CSGALNACT1: variants seen among roughly 807,000 people sequenced by gnomAD.
CSGALNACT1 encodes the protein beta4GalNAcT-1.
CSGALNACT1 carries 52 observed loss-of-function variants against 51.0 expected under a neutral mutation model. That is an observed-to-expected ratio of 1.02 (90% confidence interval 0.82 to 1.29). The LOEUF (loss-of-function observed/expected upper bound fraction) is 1.29. Ranked by LOEUF, CSGALNACT1 falls within the 50% of genes most tolerant of loss-of-function variation. The pLI, the probability that CSGALNACT1 is intolerant of heterozygous loss-of-function variation, is 0.00. For missense variants in CSGALNACT1, 935 were observed against 679.2 expected, an observed-to-expected ratio of 1.38 and a Z score of -4.19; for synonymous variants, 341 against 254.4, an observed-to-expected ratio of 1.34 and a Z score of -3.24.
chr8:19,453,614 A>C (rs1283189100), intron 5 of CSGALNACT1, among the ~76,000 whole-genome samples: 1 of 152,212 alleles, frequency 6.6e-6, no homozygotes, highest in Non-Finnish European at 1.5e-5. Context: ...AAATCAGTTA[A>C]AGAACAACAG....
intron 1 of CSGALNACT1, among the ~76,000 whole-genome samples, chr8:19,693,097 T>C (rs578244120): frequency 6.6e-6 from 1 of 152,302 alleles, no homozygotes; most frequent in East Asian, 1.9e-4. Context: ...ATTTGCTCTT[T>C]GACTCATTCC....
intron 1 of CSGALNACT1, among the ~76,000 whole-genome samples, chr8:19,720,737 C>T (rs1290619831): frequency 1.3e-5 from 2 of 152,176 alleles, no homozygotes; most frequent in Non-Finnish European, 2.9e-5. Context: ...AAAAGCTTTC[C>T]TCCATCGCTC....
intron 1 of CSGALNACT1, among the ~76,000 whole-genome samples, chr8:19,699,922 C>T (rs1354422130): frequency 6.6e-6 from 1 of 151,984 alleles, no homozygotes; most frequent in Non-Finnish European, 1.5e-5. Context: ...ACCAGCCTGG[C>T]CAACATGATG....
At chr8:19,439,763 A>T in intron 6 of CSGALNACT1, 67 bp downstream of exon 5, 3 of 1,191,936 alleles carry the variant, frequency 2.5e-6, no homozygotes, top group Non-Finnish European at 3.8e-6. Context: ...CAGAAGTTTC[A>T]GCCTTGGATG....
intron 3 of CSGALNACT1, among the ~76,000 whole-genome samples, chr8:19,527,240 A>T (rs1025921770): frequency 2.0e-5 from 3 of 152,230 alleles, no homozygotes; most frequent in Non-Finnish European, 4.4e-5. Context: ...TCACGCATTC[A>T]GAAACAGCTT....
At chr8:19,420,998 A>G (rs2057833373) in intron 6 of CSGALNACT1, among the ~76,000 whole-genome samples, 1 of 152,152 alleles carries the variant, frequency 6.6e-6, no homozygotes, top group South Asian at 2.1e-4. Flanking sequence ...CTTTCCTCCA[A>G]ACAGATTTAA....
chr8:19,630,086 C>T (rs1438478425), intron 1 of CSGALNACT1, among the ~76,000 whole-genome samples: 1 of 152,072 alleles, frequency 6.6e-6, no homozygotes, highest in African/African-American at 2.4e-5. Context: ...CTCTACCCAT[C>T]CAGGCCAACA....
intron 1 of CSGALNACT1, among the ~76,000 whole-genome samples, chr8:19,645,752 G>C (rs1360163009): frequency 2.0e-5 from 3 of 152,132 alleles, no homozygotes; most frequent in Non-Finnish European, 2.9e-5. Flanking sequence ...GAAGTGGCTG[G>C]AACAGGTAGC....
chr8:19,680,548 T>G (rs1467962841), intron 1 of CSGALNACT1, among the ~76,000 whole-genome samples: 4 of 92,030 alleles, frequency 4.3e-5, no homozygotes, highest in Non-Finnish European at 8.9e-5. Context: ...AAAGGAAGAA[T>G]CTGCACCCTC....
At chr8:19,523,194 C>T (rs912425280) in intron 3 of CSGALNACT1, among the ~76,000 whole-genome samples, 2 of 152,184 alleles carry the variant, frequency 1.3e-5, no homozygotes, top group East Asian at 1.9e-4. Context: ...CCTTCTCATG[C>T]CACACCCACC....
At chr8:19,472,125 G>C (rs1015750353) in intron 4 of CSGALNACT1, among the ~76,000 whole-genome samples, 1 of 152,206 alleles carries the variant, frequency 6.6e-6, no homozygotes, top group African/African-American at 2.4e-5. Context: ...GTCAGCAAGG[G>C]TAGAGGCAAA....
chr8:19,519,629 C>A (rs953991748), intron 3 of CSGALNACT1, among the ~76,000 whole-genome samples: 1 of 152,146 alleles, frequency 6.6e-6, no homozygotes, highest in East Asian at 1.9e-4. Flanking sequence ...GATCCGAAGG[C>A]GAGAGTTGGA....
intron 1 of CSGALNACT1, among the ~76,000 whole-genome samples, chr8:19,623,361 A>C (rs1012896733): frequency 5.3e-5 from 8 of 152,248 alleles, no homozygotes; most frequent in African/African-American, 1.9e-4. Flanking sequence ...CAGGAAAAAC[A>C]ATCTGTGAAG....
chr8:19,479,620 T>A (rs1003450841), intron 4 of CSGALNACT1, among the ~76,000 whole-genome samples: 2 of 152,180 alleles, frequency 1.3e-5, no homozygotes, highest in African/African-American at 4.8e-5. Context: ...AGAAGTGCTG[T>A]TCTAACCAGG....
intron 3 of CSGALNACT1, among the ~76,000 whole-genome samples, chr8:19,536,241 G>C (rs2083704576): frequency 6.6e-6 from 1 of 152,134 alleles, no homozygotes; most frequent in African/African-American, 2.4e-5. Flanking sequence ...GGTTGGGAAT[G>C]TTGTTAACAG....
At chr8:19,509,558 G>C (rs1013503163) in intron 3 of CSGALNACT1, among the ~76,000 whole-genome samples, 34 of 142,932 alleles carry the variant, frequency 2.4e-4, no homozygotes, top group African/African-American at 6.7e-4. Context: ...GGAGGCAGAG[G>C]TTGCAATGAG....
At chr8:19,609,441 C>G (rs2051873636) in intron 1 of CSGALNACT1, among the ~76,000 whole-genome samples, 1 of 150,820 alleles carries the variant, frequency 6.6e-6, no homozygotes, top group African/African-American at 2.4e-5. Flanking sequence ...TGTTTTCATT[C>G]CACACCATAG....
chr8:19,682,900 C>T, upstream of CSGALNACT1: 1 of 356,304 alleles, frequency 2.8e-6, no homozygotes, highest in South Asian at 2.1e-5. Context: ...TCAAGCAACC[C>T]CATGACCATA....
intron 6 of CSGALNACT1, among the ~76,000 whole-genome samples, chr8:19,437,407 G>A (rs1327798658): frequency 6.6e-6 from 1 of 152,166 alleles, no homozygotes; most frequent in Admixed American, 6.5e-5. Context: ...AAGGCAGTGA[G>A]GGAGGTAGGA....
Sources: allele counts gnomAD v4.1 joint callset (sites outside exome capture counted in the v4.1 genomes callset), GRCh38; gene constraint gnomAD v4.1.1; transcripts MANE v1.5; gene names NCBI Gene and HGNC (gene_info 2026-07-23, HGNC 2026-07-21).